Variants in ACTRT2 observed in about 807,000 individuals in gnomAD.
ACTRT2 encodes the protein actin-related protein T2.
A neutral mutation model predicts 1.2 loss-of-function variants in ACTRT2; 1 was observed. The ratio of observed to expected loss-of-function variants is 0.80; its 90% CI spans 0.29 to 3.81. ACTRT2 has a LOEUF of 3.81. Among genes scored for constraint, ACTRT2 ranks in the 30% most tolerant of loss-of-function variants. The probability of loss-of-function intolerance (pLI) is 0.18; values close to 1 mark genes in which losing one functional copy is unlikely to be tolerated. For missense variants in ACTRT2, 488 were observed against 497.9 expected (o/e 0.98, Z 0.19); for synonymous variants, 262 against 228.9 (o/e 1.14, Z -1.30).
rs1413900786 is a variant in ACTRT2, at chr1:3,022,498, G to C, written c.812G>C (p.Ser271Thr). 8.1e-6 allele frequency: 13 copies of C among 1,612,822 alleles called. No individual in the cohort carries two copies. The highest frequency in any genetic ancestry group is 1.1e-5 in the Non-Finnish European group (13 of 1,180,044). The change falls in exon 1 of 1, where the codon AGC becomes ACC. Residue 271 changes from serine (S) to threonine (T), a missense_variant. Ser to Thr is a moderately conservative substitution (Grantham distance 58). Coordinates refer to ENST00000378404, the MANE Select transcript of ACTRT2 (RefSeq NM_080431.5). The surrounding 1 kb of genome is among the most constrained non-coding windows in gnomAD (Gnocchi z 7.7). ...EALFVPQQLG[S>T]QSPGLSNMVS... The stretch of plus-strand genomic sequence containing the variant: ...CTGTTCGTGCCCCAGCAGCTGGGCA[G>C]CCAGAGCCCCGGGCTCTCGAATATG...
chr1:3,022,443 G>A lies in ACTRT2; in HGVS notation c.757G>A (p.Gly253Arg), dbSNP rs753705495. ...GCCCGACGGGAACATCATCAGCCTC[G>A]GGGACCCGCTGCACCAGGCGCCCGA... ...KLPDGNIISL[G>R]DPLHQAPEAL... The change falls in exon 1 of 1, where the codon GGG (glycine) becomes AGG (arginine). Residue 253 changes from glycine (G) to arginine (R), a missense_variant. Gly to Arg is a moderately radical substitution (Grantham distance 125). Coordinates refer to ENST00000378404, the MANE Select transcript of ACTRT2 (RefSeq NM_080431.5). The surrounding 1 kb of genome is among the most constrained non-coding windows in gnomAD (Gnocchi z 7.7). 3.4e-5 allele frequency: 55 copies of A among 1,612,694 alleles called. No individual in the cohort carries two copies. In the Middle Eastern group the frequency reaches 4.9e-4, roughly 14 times the overall value.
chr1:3,022,001 G>C lies in ACTRT2; in HGVS notation c.315G>C (p.Gln105His). The part of the protein sequence containing the change: ...EWELGVKPSD[Q>H]PLLATEPSLN... ...AGCTAGGCGTGAAACCCAGCGACCAGCCCCTGCTTGCAACGGAGCCCTCCC... is the reference window on the plus strand; with the variant it reads ...AGCTAGGCGTGAAACCCAGCGACCACCCCCTGCTTGCAACGGAGCCCTCCC... The change falls in exon 1 of 1, where the codon CAG becomes CAC. Residue 105 changes from glutamine to histidine, a missense_variant. Transcript: ENST00000378404. This position sits in a 1 kb window ranked among gnomAD's most constrained non-coding sequence, Gnocchi z 7.7. 6.2e-7 allele frequency: 1 copy of C among 1,613,530 alleles called. No homozygotes were observed. The highest frequency in any genetic ancestry group is 2.2e-5 in the East Asian group (1 of 44,868).
Position 3,021,570 on chromosome 1 carries a change from T to A in ACTRT2, c.-117T>A. On this transcript the variant is annotated 5_prime_UTR_variant, in exon 1 of 1. Transcript: ENST00000378404. ...GGGCTCCCGGGCACGGTGCTAGCCC[T>A]GCCTTGAGACACCCCGAGAGCTGTG... 1 of 1,420,064 alleles carries A rather than the reference T, an allele frequency of 7.0e-7. No homozygotes were observed. The highest frequency in any genetic ancestry group is 9.5e-7 in the Non-Finnish European group (1 of 1,052,572). The allele number at this position is 1,420,064 out of a possible 1,614,324, so 88.0% of individuals were successfully genotyped here.
Position 3,021,801 on chromosome 1 carries a change from G to A in ACTRT2, c.115G>A (p.Val39Met), listed in dbSNP as rs138316843. Residue 39 changes from valine (V) to methionine (M), a missense_variant, in exon 1 of 1, where the codon GTG (valine) becomes ATG (methionine). Val to Met is a conservative substitution (Grantham distance 21, BLOSUM62 1). Transcript: ENST00000378404. ...ACCCCGGCACATGGTCAGCTCCATC[G>A]TGGGGCACCTGAAATTCCAGGCTCC... ...FGPRHMVSSI[V>M]GHLKFQAPSA... 1.2e-5 allele frequency: 19 copies of A among 1,613,614 alleles called. No individual in the cohort carries two copies. In the African/African-American group the frequency reaches 1.3e-4, roughly 11 times the overall value.
At position 3,022,425 on chromosome 1, in the gene ACTRT2, G is replaced by C. The variant is rs3795263; in HGVS notation, c.739G>C (p.Gly247Arg). Residue 247 changes from glycine to arginine, a missense_variant, in exon 1 of 1, where the codon GGG (glycine) becomes CGG (arginine). Coordinates refer to ENST00000378404, the MANE Select transcript of ACTRT2 (RefSeq NM_080431.5). This position sits in a 1 kb window ranked among gnomAD's most constrained non-coding sequence, Gnocchi z 7.7. ...CCTGAGGGAGTACAAGCTGCCCGAC[G>C]GGAACATCATCAGCCTCGGGGACCC... The part of the protein sequence containing the change: ...EVLREYKLPD[G>R]NIISLGDPLH... 1 of 1,612,744 alleles carries C rather than the reference G, an allele frequency of 6.2e-7. No individual in the cohort carries two copies. The highest frequency in any genetic ancestry group is 8.5e-7 in the Non-Finnish European group (1 of 1,179,974).
chr1:3,022,350 T>C lies in ACTRT2; in HGVS notation c.664T>C (p.Tyr222His). Residue 222 changes from tyrosine to histidine, a missense_variant, in exon 1 of 1, where the codon TAC becomes CAC. By Grantham distance (83) the Tyr-to-His change is moderately conservative. Coordinates refer to ENST00000378404, the MANE Select transcript of ACTRT2 (RefSeq NM_080431.5). This position sits in a 1 kb window ranked among gnomAD's most constrained non-coding sequence, Gnocchi z 7.7. ...LVDDIKKKLC[Y>H]VALEPEKELS... is the part of the protein sequence containing the mutation. Reference sequence around the variant, plus strand: ...GGACGACATCAAAAAGAAGCTGTGCTACGTGGCCTTGGAGCCCGAGAAGGA... The same window carrying C: ...GGACGACATCAAAAAGAAGCTGTGCCACGTGGCCTTGGAGCCCGAGAAGGA... 4 of 1,612,900 alleles carry C rather than the reference T, an allele frequency of 2.5e-6. No individual in the cohort carries two copies. The highest frequency in any genetic ancestry group is 2.5e-6 in the Non-Finnish European group (3 of 1,180,026).
rs187085397 is a variant in ACTRT2, at chr1:3,022,367, C to A, written c.681C>A (p.Pro227=). The A allele has an allele frequency of 2.5e-6, 4 of 1,612,768 alleles. No individual in the cohort carries two copies. Among genetic ancestry groups the A allele is most frequent in the Middle Eastern group, 1.6e-4 (1 of 6,084 alleles). ...KKKLCYVALE[P]EKELSRRPEE... is the part of the protein sequence containing the mutation. ...AGCTGTGCTACGTGGCCTTGGAGCC[C>A]GAGAAGGAGCTTTCCCGGAGGCCGG... The change falls in exon 1 of 1, where the codon CCC becomes CCA. Residue 227 remains proline (P), a synonymous_variant. Coordinates refer to ENST00000378404, the MANE Select transcript of ACTRT2 (RefSeq NM_080431.5). The surrounding 1 kb of genome is among the most constrained non-coding windows in gnomAD (Gnocchi z 7.7).
In ACTRT2 at chr1:3,021,702, G is replaced by A. The variant is rs141283101; in HGVS notation, c.16G>A (p.Ala6Thr). Residue 6 changes from alanine (A) to threonine (T), a missense_variant, in exon 1 of 1, where the codon GCT (alanine) becomes ACT (threonine). Physicochemically the swap from Ala to Thr is moderately conservative, Grantham distance 58. Transcript: ENST00000378404. ...GGCTGCGGGCATGTTTAATCCGCAC[G>A]CTTTAGACTCCCCGGCTGTGATTTT... The part of the protein sequence containing the change: MFNPH[A>T]LDSPAVIFDN... 2.1e-4 allele frequency: 345 copies of A among 1,613,392 alleles called. No homozygotes were observed. Among genetic ancestry groups the A allele is most frequent in the Middle Eastern group, 5.0e-4 (3 of 5,966 alleles).
In ACTRT2 at chr1:3,022,861, C is replaced by T; in HGVS notation, c.*41C>T. 1.3e-6 allele frequency: 2 copies of T among 1,562,318 alleles called. No homozygotes were observed. Among genetic ancestry groups the T allele is most frequent in the Non-Finnish European group, 1.7e-6 (2 of 1,152,442 alleles). On this transcript the variant is annotated 3_prime_UTR_variant, in exon 1 of 1. Transcript: ENST00000378404. This position sits in a 1 kb window ranked among gnomAD's most constrained non-coding sequence, Gnocchi z 7.7. ...GGGTACCGTGGGGGGTGAACCCTAGCCCCAGCTTTGGGAGGATGTTCAATA... is the reference window on the plus strand; with the variant it reads ...GGGTACCGTGGGGGGTGAACCCTAGTCCCAGCTTTGGGAGGATGTTCAATA...
At position 3,022,844 on chromosome 1, in the gene ACTRT2, TGG is replaced by T. The variant is rs746491625; in HGVS notation, c.*29_*30del. 1.3e-6 allele frequency: 2 copies of T among 1,588,264 alleles called. No individual in the cohort carries two copies. Among genetic ancestry groups the T allele is most frequent in the African/African-American group, 2.7e-5 (2 of 74,144 alleles). On this transcript the variant is annotated 3_prime_UTR_variant, in exon 1 of 1. Coordinates refer to ENST00000378404, the MANE Select transcript of ACTRT2 (RefSeq NM_080431.5). This position sits in a 1 kb window ranked among gnomAD's most constrained non-coding sequence, Gnocchi z 7.7. ...GAAGGCCGCTTCTCGTTGGGTACCG[TGG>T]GGGGTGAACCCTAGCCCCAGCTTTG...
rs1278419220 is a variant in ACTRT2, at chr1:3,022,275, C to T, written c.589C>T (p.Leu197Phe). 1.2e-6 allele frequency: 2 copies of T among 1,612,802 alleles called. No individual in the cohort carries two copies. The highest frequency in any genetic ancestry group is 2.2e-5 in the East Asian group (1 of 44,864). Residue 197 changes from leucine (L) to phenylalanine (F), a missense_variant, in exon 1 of 1, where the codon CTC (leucine) becomes TTC (phenylalanine). By Grantham distance (22) the Leu-to-Phe change is conservative (BLOSUM62 0). Transcript: ENST00000378404. This position sits in a 1 kb window ranked among gnomAD's most constrained non-coding sequence, Gnocchi z 7.7. ...RDITELLMQL[L>F]LASGHTFPCQ... Reference sequence around the variant, plus strand: ...CATCACGGAGCTCCTCATGCAGCTGCTCCTGGCCAGCGGCCACACCTTCCC... The same window carrying T: ...CATCACGGAGCTCCTCATGCAGCTGTTCCTGGCCAGCGGCCACACCTTCCC...
Position 3,022,740 on chromosome 1 carries a change from AG to A in ACTRT2, c.1055del (p.Ser352IlefsTer40), listed in dbSNP as rs1641096147. The A allele has an allele frequency of 1.2e-6, 2 of 1,613,482 alleles. No homozygotes were observed. Among genetic ancestry groups the A allele is most frequent in the Non-Finnish European group, 1.7e-6 (2 of 1,179,982 alleles). Reference protein sequence around the residue: ...WIGASIVTSLSSFKQMWVTAA... With the variant: ...WIGASIVTSLXSFKQMWVTAA... ...TGGAGCCTCCATCGTCACCTCTCTG[AG>A]TAGCTTCAAGCAGATGTGGGTCACC... On this transcript the variant is annotated frameshift_variant, in exon 1 of 1. Transcript: ENST00000378404. LOFTEE classifies it high-confidence loss of function. The surrounding 1 kb of genome is among the most constrained non-coding windows in gnomAD (Gnocchi z 7.7).
chr1:3,021,715 C>G lies in ACTRT2; in HGVS notation c.29C>G (p.Pro10Arg), dbSNP rs755674205. The G allele has an allele frequency of 3.7e-6, 6 of 1,613,642 alleles. No individual in the cohort carries two copies. In the Admixed American group the frequency reaches 8.3e-5, roughly 22 times the overall value. Reference sequence around the variant, plus strand: ...TTTAATCCGCACGCTTTAGACTCCCCGGCTGTGATTTTTGACAATGGCTCG... The same window carrying G: ...TTTAATCCGCACGCTTTAGACTCCCGGGCTGTGATTTTTGACAATGGCTCG... MFNPHALDS[P>R]AVIFDNGSGF... is the part of the protein sequence containing the mutation. The change falls in exon 1 of 1, where the codon CCG becomes CGG. Residue 10 changes from proline to arginine, a missense_variant. Transcript: ENST00000378404.
Position 3,021,542 on chromosome 1 carries a change from G to T in ACTRT2, c.-145G>T, listed in dbSNP as rs1375032206. The T allele has an allele frequency of 8.5e-7, 1 of 1,175,552 alleles. No individual in the cohort carries two copies. The allele number at this position is 1,175,552 out of a possible 1,614,324, so 72.8% of individuals were successfully genotyped here. On this transcript the variant is annotated 5_prime_UTR_variant, in exon 1 of 1. An upstream start codon of the reference 5' UTR is lost. Transcript: ENST00000378404. ...GGAGAGCAGACCTGCGGCTGAGGAT[G>T]CAGGGCTCCCGGGCACGGTGCTAGC...
In ACTRT2 at chr1:3,021,805, G is replaced by A. The variant is rs1557758921; in HGVS notation, c.119G>A (p.Gly40Glu). The A allele has an allele frequency of 1.9e-6, 3 of 1,613,622 alleles. No homozygotes were observed. Among genetic ancestry groups the A allele is most frequent in the Non-Finnish European group, 2.5e-6 (3 of 1,180,026 alleles). Reference protein sequence around the residue: ...GPRHMVSSIVGHLKFQAPSAE... With the variant: ...GPRHMVSSIVEHLKFQAPSAE... ...CGGCACATGGTCAGCTCCATCGTGGGGCACCTGAAATTCCAGGCTCCCTCA... is the reference window on the plus strand; with the variant it reads ...CGGCACATGGTCAGCTCCATCGTGGAGCACCTGAAATTCCAGGCTCCCTCA... The change falls in exon 1 of 1, where the codon GGG (glycine) becomes GAG (glutamate). Residue 40 changes from glycine to glutamate, a missense_variant. Coordinates refer to ENST00000378404, the MANE Select transcript of ACTRT2 (RefSeq NM_080431.5).
At position 3,022,607 on chromosome 1, in the gene ACTRT2, G is replaced by T. The variant is rs1466329053; in HGVS notation, c.921G>T (p.Leu307=). 1 of 1,613,034 alleles carries T rather than the reference G, an allele frequency of 6.2e-7. No individual in the cohort carries two copies. Among genetic ancestry groups the T allele is most frequent in the African/African-American group, 1.3e-5 (1 of 74,910 alleles). The change falls in exon 1 of 1, where the codon CTG becomes CTT. Residue 307 remains leucine (L), a synonymous_variant. Coordinates refer to ENST00000378404, the MANE Select transcript of ACTRT2 (RefSeq NM_080431.5). This position sits in a 1 kb window ranked among gnomAD's most constrained non-coding sequence, Gnocchi z 7.7. Reference sequence around the variant, plus strand: ...TTGTGCTGTCGGGGGGCACTACCCTGTTCCACGGGCTGGATGACCGGCTTC... The same window carrying T: ...TTGTGCTGTCGGGGGGCACTACCCTTTTCCACGGGCTGGATGACCGGCTTC... ...GEIVLSGGTT[L]FHGLDDRLLK... is the part of the protein sequence containing the mutation.
Position 3,022,805 on chromosome 1 carries a change from G to A in ACTRT2, c.1119G>A (p.Gln373=). ...AGGAGTTTGGGACCTCCGTGGTGCA[G>A]AGAAGATGCTTCTGAAGGCCGCTTC... ...DFKEFGTSVV[Q]RRCF Residue 373 remains glutamine, a synonymous_variant, in exon 1 of 1, where the codon CAG becomes CAA. Transcript: ENST00000378404. The surrounding 1 kb of genome is among the most constrained non-coding windows in gnomAD (Gnocchi z 7.7). 6.2e-7 allele frequency: 1 copy of A among 1,607,914 alleles called. No homozygotes were observed. The highest frequency in any genetic ancestry group is 8.5e-7 in the Non-Finnish European group (1 of 1,175,294).
At position 3,021,572 on chromosome 1, in the gene ACTRT2, C is replaced by A. The variant is rs1046142037; in HGVS notation, c.-115C>A. On this transcript the variant is annotated 5_prime_UTR_variant, in exon 1 of 1. Coordinates refer to ENST00000378404, the MANE Select transcript of ACTRT2 (RefSeq NM_080431.5). ...GCTCCCGGGCACGGTGCTAGCCCTG[C>A]CTTGAGACACCCCGAGAGCTGTGGG... The A allele has an allele frequency of 2.1e-6, 3 of 1,427,190 alleles. No homozygotes were observed. Among genetic ancestry groups the A allele is most frequent in the Non-Finnish European group, 2.8e-6 (3 of 1,058,506 alleles). 88.4% of individuals were successfully genotyped at this position (1,427,190 alleles called of 1,614,324 possible).
At position 3,021,554 on chromosome 1, in the gene ACTRT2, G is replaced by A; in HGVS notation, c.-133G>A. 7.7e-7 allele frequency: 1 copy of A among 1,297,970 alleles called. No homozygotes were observed. Among genetic ancestry groups the A allele is most frequent in the Non-Finnish European group, 1.1e-6 (1 of 950,250 alleles). The allele number at this position is 1,297,970 out of a possible 1,614,324, so 80.4% of individuals were successfully genotyped here. ...TGCGGCTGAGGATGCAGGGCTCCCGGGCACGGTGCTAGCCCTGCCTTGAGA... is the reference window on the plus strand; with the variant it reads ...TGCGGCTGAGGATGCAGGGCTCCCGAGCACGGTGCTAGCCCTGCCTTGAGA... On this transcript the variant is annotated 5_prime_UTR_variant, in exon 1 of 1. Transcript: ENST00000378404.
Sources: gnomAD v4.1 joint callset for allele counts on GRCh38, gnomAD v4.1.1 for gene constraint, Gnocchi (gnomAD v3.1) non-coding constraint, MANE v1.5 for transcripts, NCBI Gene and HGNC (gene_info 2026-07-23, HGNC 2026-07-21) for gene names.